RAB3GAP2: variants seen among roughly 807,000 people sequenced by gnomAD.
RAB3GAP2 encodes RAB3 GTPase activating non-catalytic protein subunit 2.
RAB3GAP2 carries 87 observed loss-of-function variants against 185.3 expected under a neutral mutation model. The observed-to-expected ratio is 0.47, with a 90% CI of 0.39 to 0.56. RAB3GAP2 has a LOEUF of 0.56. RAB3GAP2 is among the 20% of genes least tolerant of loss of function. The pLI, the probability that RAB3GAP2 is intolerant of heterozygous loss-of-function variation, is 0.00. For missense variants in RAB3GAP2, 1,492 were observed against 1,638.2 expected, an observed-to-expected ratio of 0.91 and a Z score of 1.54; for synonymous variants, 554 against 576.1, an observed-to-expected ratio of 0.96 and a Z score of 0.55.
At chr1:220,172,583 T>C in intron 22 of RAB3GAP2, 54 bp downstream of exon 22, 1 of 1,230,782 alleles carries the variant, frequency 8.1e-7, no homozygotes. Context: ...TCCCATCTTT[T>C]TGTGACATTT....
chr1:220,240,152 T>C (rs1659664400), intron 1 of RAB3GAP2, among the ~76,000 whole-genome samples: 1 of 152,198 alleles, frequency 6.6e-6, no homozygotes, highest in African/African-American at 2.4e-5. Context: ...ATGAGAATGC[T>C]TCTCAGGTCT....
intron 22 of RAB3GAP2, 61 bp from the exon 23 acceptor site, chr1:220,172,110 C>A (rs1658190210): frequency 1.9e-6 from 3 of 1,540,908 alleles, no homozygotes; most frequent in Admixed American, 3.5e-5. Flanking sequence ...TTGGACTAAC[C>A]ATTTATGTTA....
At chr1:220,233,003 C>A (rs1659528567) in intron 1 of RAB3GAP2, 140 bp from the exon 2 acceptor site, 1 of 694,216 alleles carries the variant, frequency 1.4e-6, no homozygotes, top group African/African-American at 1.8e-5. Context: ...CTGTGTTATA[C>A]CAGGATTTTG....
intron 23 of RAB3GAP2, 88 bp from the exon 24 acceptor site, chr1:220,171,208 A>G (rs1401937340): frequency 9.0e-7 from 1 of 1,114,250 alleles, no homozygotes; most frequent in Admixed American, 1.9e-5. Context: ...GCTGATGGAT[A>G]CTGAGGATAC....
Position 220,167,765 on chromosome 1 carries a change from T to A in RAB3GAP2, c.2807-90A>T, listed in dbSNP as rs533459069. The A allele has an allele frequency of 7.2e-5, 94 of 1,306,160 alleles. No homozygotes were observed. In the African/African-American group the frequency reaches 1.3e-3, roughly 19 times the overall value. The allele number at this position is 1,306,160 out of a possible 1,614,324, so 80.9% of individuals were successfully genotyped here. On this transcript the variant is annotated intron_variant, in intron 24 of 34. Transcript: ENST00000358951. The stretch of plus-strand genomic sequence containing the variant: ...GAGCCAATTTCCTTACGAAGAGATC[T>A]AAGTGCCACATTCATTTCTCAGCCT...
In RAB3GAP2 at chr1:220,182,273, C is replaced by A. The variant is rs375252398; in HGVS notation, c.2294G>T (p.Ser765Ile). Residue 765 changes from serine to isoleucine, a missense_variant, in exon 21 of 35, where the codon AGC (serine) becomes ATC (isoleucine). Around this residue, in one of 5 missense-constraint regions of RAB3GAP2, gnomAD observed 681 missense variants for 689.1 expected, o/e 0.99. Transcript: ENST00000358951. ...MCHTLESAGL[S>I]PQLLLSLLLS... ...AAACCTTACCAACAACAGCTGAGGG[C>A]TAAGACCAGCCGACTCCAAAGTGTG... 15 of 1,613,780 alleles carry A rather than the reference C, an allele frequency of 9.3e-6. No individual in the cohort carries two copies. The highest frequency in any genetic ancestry group is 1.3e-5 in the Non-Finnish European group (15 of 1,179,898).
At chr1:220,227,052 C>T (rs891279769) in intron 2 of RAB3GAP2, among the ~76,000 whole-genome samples, 1 of 152,214 alleles carries the variant, frequency 6.6e-6, no homozygotes, top group Non-Finnish European at 1.5e-5. Flanking sequence ...TGATCTTAGA[C>T]TTCTAGTCTC....
intron 21 of RAB3GAP2, among the ~76,000 whole-genome samples, chr1:220,181,346 G>A (rs1658400866): frequency 6.6e-6 from 1 of 152,098 alleles, no homozygotes; most frequent in African/African-American, 2.4e-5. Context: ...TGGTAATGGA[G>A]GGGGAGGTTC....
chr1:220,159,280 C>A (rs151021083), intron 29 of RAB3GAP2, 106 bp downstream of exon 29: 3 of 923,266 alleles, frequency 3.2e-6, no homozygotes, highest in Non-Finnish European at 5.3e-6. Context: ...CCTTCTGATA[C>A]GTCATCACAA....
At chr1:220,175,253 G>GTC (rs996899047) in intron 21 of RAB3GAP2, among the ~76,000 whole-genome samples, 2 of 151,598 alleles carry the variant, frequency 1.3e-5, no homozygotes, top group African/African-American at 4.8e-5. Flanking sequence ...TTGAGACAGA[G>GTC]TCTCACTCTG....
intron 1 of RAB3GAP2, among the ~76,000 whole-genome samples, chr1:220,245,828 G>C (rs1432651877): frequency 6.6e-6 from 1 of 152,214 alleles, no homozygotes; most frequent in Non-Finnish European, 1.5e-5. Context: ...TCTGAGAACA[G>C]GCAGACTGCC....
chr1:220,251,848 G>A (rs1659938367), intron 1 of RAB3GAP2, among the ~76,000 whole-genome samples: 1 of 152,190 alleles, frequency 6.6e-6, no homozygotes, highest in African/African-American at 2.4e-5. Context: ...GTAATATTAT[G>A]TAACCATTAA....
At position 220,157,467 on chromosome 1, in the gene RAB3GAP2, T is replaced by G; in HGVS notation, c.3358A>C (p.Ile1120Leu). 1 of 1,613,564 alleles carries G rather than the reference T, an allele frequency of 6.2e-7. No individual in the cohort carries two copies. Among genetic ancestry groups the G allele is most frequent in the Non-Finnish European group, 8.5e-7 (1 of 1,180,018 alleles). Residue 1120 changes from isoleucine to leucine, a missense_variant, in exon 31 of 35, where the codon ATA becomes CTA. Transcript: ENST00000358951. ...LMEADVSRDE[I>L]QVPVLDTEDA... ...TCAGTATCCAGCACAGGCACCTGTA[T>G]TTCATCCCTGCTAACATCTGCCTAA...
At chr1:220,162,392 A>C in intron 27 of RAB3GAP2, 124 bp from the exon 28 acceptor site, 1 of 670,336 alleles carries the variant, frequency 1.5e-6, no homozygotes, top group African/African-American at 1.8e-5. Context: ...TTTATATCTC[A>C]TGTAATATTT....
intron 2 of RAB3GAP2, among the ~76,000 whole-genome samples, chr1:220,226,740 G>A (rs535606128): frequency 6.6e-6 from 1 of 152,150 alleles, no homozygotes; most frequent in African/African-American, 2.4e-5. Flanking sequence ...CAGTACACTT[G>A]CCAATGTACT....
At chr1:220,235,788 TG>T (rs1191785388) in intron 1 of RAB3GAP2, among the ~76,000 whole-genome samples, 1 of 152,166 alleles carries the variant, frequency 6.6e-6, no homozygotes, top group Non-Finnish European at 1.5e-5. Context: ...TTCCTACCCC[TG>T]CAGAGACCCA....
At chr1:220,164,341 A>G (rs775385323) in intron 27 of RAB3GAP2, among the ~76,000 whole-genome samples, 2 of 152,016 alleles carry the variant, frequency 1.3e-5, no homozygotes, top group African/African-American at 2.4e-5. Context: ...CATTACACTC[A>G]GGGATAGTAG....
chr1:220,173,260 A>AACAG, intron 21 of RAB3GAP2, among the ~76,000 whole-genome samples: 1 of 152,346 alleles, frequency 6.6e-6, no homozygotes, highest in Middle Eastern at 3.4e-3. Context: ...TAAACCAAAA[A>AACAG]ACTTAAGTCA....
chr1:220,199,699 CCTTA>C (rs1205817045), intron 9 of RAB3GAP2, among the ~76,000 whole-genome samples: 1 of 152,130 alleles, frequency 6.6e-6, no homozygotes, highest in African/African-American at 2.4e-5. Context: ...CTCTCCTCCT[CCTTA>C]TTCTCATTTC....
Sources: allele counts gnomAD v4.1 joint callset (sites outside exome capture counted in the v4.1 genomes callset), GRCh38; gene constraint gnomAD v4.1.1; regional missense constraint gnomAD v4.1.1; transcripts MANE v1.5; gene names NCBI Gene and HGNC (gene_info 2026-07-23, HGNC 2026-07-21).